GTF2B: variants seen among roughly 807,000 people sequenced by gnomAD.
GTF2B encodes the protein general transcription factor IIB, also known as transcription initiation factor IIB.
A neutral mutation model predicts 34.6 loss-of-function variants in GTF2B; 20 were observed. The ratio of observed to expected loss-of-function variants is 0.58; its 90% CI spans 0.41 to 0.84. The LOEUF (loss-of-function observed/expected upper bound fraction) is 0.84, where lower values mean the gene tolerates loss of function less well. Ranked by LOEUF, GTF2B falls within the 40% of genes least tolerant of loss-of-function variation. The pLI is 0.00. For missense variants in GTF2B, 237 were observed against 393.3 expected (o/e 0.60, Z 3.36); for synonymous variants, 142 against 132.4 (o/e 1.07, Z -0.50).
chr1:88,867,948 A>G lies in GTF2B; in HGVS notation c.125-3834T>C, dbSNP rs114916068. ...GTGCTAAGAACCATTCCCTCTTTTTATATTTAACTACTCAAAAGAGCATTC... is the reference window on the plus strand; with the variant it reads ...GTGCTAAGAACCATTCCCTCTTTTTGTATTTAACTACTCAAAAGAGCATTC... On this transcript the variant is annotated intron_variant, in intron 2 of 6. Coordinates refer to ENST00000370500, the MANE Select transcript of GTF2B (RefSeq NM_001514.6). 6.2e-3 allele frequency among the ~76,000 whole-genome samples: 943 copies of G among 152,310 alleles called. 12 individuals are homozygous for G. In the South Asian group the frequency reaches 0.067, roughly 11 times the overall value.
chr1:88,885,921 G>A (rs562675086), intron 2 of GTF2B, among the ~76,000 whole-genome samples: 5 of 152,056 alleles, frequency 3.3e-5, no homozygotes, highest in African/African-American at 1.2e-4. Context: ...TTATTATTAT[G>A]AAAGGCAATA....
intron 6 of GTF2B, among the ~76,000 whole-genome samples, chr1:88,853,791 AG>A (rs1300856719): frequency 2.6e-5 from 4 of 152,220 alleles, no homozygotes; most frequent in Admixed American, 6.5e-5. Context: ...CGAGAGAGCA[AG>A]ATTCCATCTC....
chr1:88,867,980 A>C (rs1673598887), intron 2 of GTF2B, among the ~76,000 whole-genome samples: 1 of 152,218 alleles, frequency 6.6e-6, no homozygotes, highest in African/African-American at 2.4e-5. Flanking sequence ...ATTCACAAGG[A>C]ATGAAGTTTC....
chr1:88,885,843 A>C (rs1674054801), intron 2 of GTF2B, among the ~76,000 whole-genome samples: 1 of 152,244 alleles, frequency 6.6e-6, no homozygotes, highest in Non-Finnish European at 1.5e-5. Flanking sequence ...ACCATTTAAA[A>C]ATGTAAAAGC....
intron 2 of GTF2B, among the ~76,000 whole-genome samples, chr1:88,882,069 G>C (rs921243148): frequency 2.0e-5 from 3 of 152,024 alleles, no homozygotes; most frequent in Admixed American, 2.0e-4. Flanking sequence ...CAGAACGCTG[G>C]GAGGTCGAGG....
At chr1:88,882,468 G>C (rs2100978816) in intron 2 of GTF2B, among the ~76,000 whole-genome samples, 1 of 152,206 alleles carries the variant, frequency 6.6e-6, no homozygotes, top group South Asian at 2.1e-4. Context: ...TTAACTGAAG[G>C]GTTAAGCAAA....
chr1:88,868,611 A>G (rs1030969578), intron 2 of GTF2B, among the ~76,000 whole-genome samples: 1 of 152,198 alleles, frequency 6.6e-6, no homozygotes, highest in Non-Finnish European at 1.5e-5. Context: ...TCTATTTTTC[A>G]AGAAGAAACC....
At chr1:88,890,499 G>A (rs1207886875) in intron 1 of GTF2B, among the ~76,000 whole-genome samples, 1 of 152,176 alleles carries the variant, frequency 6.6e-6, no homozygotes, top group Non-Finnish European at 1.5e-5. Flanking sequence ...GAAAAATAGT[G>A]CCAGAGTTCC....
rs1448337571 is a variant in GTF2B at position 88,856,691 on chromosome 1, A to C, written c.817+515T>G. On this transcript the variant is annotated intron_variant, in intron 6 of 6. Coordinates refer to ENST00000370500, the MANE Select transcript of GTF2B (RefSeq NM_001514.6). Reference sequence around the variant, plus strand: ...ACTAAAATAATTCAAATGGGAAAAAAATTAGGTTTGTTCACAGGGTTATGT... The same window carrying C: ...ACTAAAATAATTCAAATGGGAAAAACATTAGGTTTGTTCACAGGGTTATGT... 8.5e-5 allele frequency among the ~76,000 whole-genome samples: 13 copies of C among 152,206 alleles called. No individual in the cohort carries two copies. In the East Asian group the frequency reaches 2.5e-3, roughly 29 times the overall value.
chr1:88,886,193 T>G (rs1478165916), intron 2 of GTF2B, among the ~76,000 whole-genome samples: 1 of 152,202 alleles, frequency 6.6e-6, no homozygotes, highest in Non-Finnish European at 1.5e-5. Context: ...ACTTTAAAAC[T>G]CCCACTATAG....
intron 2 of GTF2B, among the ~76,000 whole-genome samples, chr1:88,865,155 G>A (rs552044865): frequency 7.9e-5 from 12 of 152,298 alleles, no homozygotes; most frequent in Non-Finnish European, 1.3e-4. Flanking sequence ...ATAGTCAGGG[G>A]TGTGAACTCT....
chr1:88,877,224 T>C (rs529935473), intron 2 of GTF2B, among the ~76,000 whole-genome samples: 1 of 152,198 alleles, frequency 6.6e-6, no homozygotes, highest in African/African-American at 2.4e-5. Flanking sequence ...AGAATGAGTT[T>C]AGTAGAAGGG....
At chr1:88,864,476 CA>C (rs1393868167) in intron 2 of GTF2B, among the ~76,000 whole-genome samples, 1 of 152,162 alleles carries the variant, frequency 6.6e-6, no homozygotes, top group Non-Finnish European at 1.5e-5. Context: ...AAAGAGAAAA[CA>C]TTTTTTAGAA....
intron 3 of GTF2B, among the ~76,000 whole-genome samples, chr1:88,861,430 T>A (rs1462289664): frequency 1.3e-5 from 2 of 152,226 alleles, no homozygotes; most frequent in African/African-American, 4.8e-5. Context: ...TTTAGGAGGC[T>A]GAGGCAGGCG....
intron 2 of GTF2B, among the ~76,000 whole-genome samples, chr1:88,866,286 TGAGGCTGCA>T (rs1673558547): frequency 6.6e-6 from 1 of 152,110 alleles, no homozygotes; most frequent in African/African-American, 2.4e-5. Flanking sequence ...CCCAGGAGGT[TGAGGCTGCA>T]GGGAGCCATG....
chr1:88,859,838 A>T (rs536205479), intron 5 of GTF2B, 44 bp downstream of exon 5: 302 of 1,540,964 alleles, frequency 2.0e-4, no homozygotes, highest in Middle Eastern at 5.1e-4. Context: ...CCTATCTCAA[A>T]CAAACAAACA....
At chr1:88,874,445 T>A (rs977603937) in intron 2 of GTF2B, among the ~76,000 whole-genome samples, 8 of 148,896 alleles carry the variant, frequency 5.4e-5, no homozygotes, top group Non-Finnish European at 1.2e-4. Flanking sequence ...GGGAACTAAT[T>A]CCCCCAAGTA....
chr1:88,854,476 G>A (rs931640825), intron 6 of GTF2B, among the ~76,000 whole-genome samples: 1 of 152,274 alleles, frequency 6.6e-6, no homozygotes, highest in African/African-American at 2.4e-5. Flanking sequence ...TATTATGAAT[G>A]CTTTATTAAA....
chr1:88,883,884 T>G (rs1158563608), intron 2 of GTF2B, among the ~76,000 whole-genome samples: 1 of 152,184 alleles, frequency 6.6e-6, no homozygotes, highest in Non-Finnish European at 1.5e-5. Context: ...CCCTTATCAG[T>G]TATAATAAAT....
Sources: allele counts gnomAD v4.1 joint callset (sites outside exome capture counted in the v4.1 genomes callset), GRCh38; gene constraint gnomAD v4.1.1; transcripts MANE v1.5; gene names NCBI Gene and HGNC (gene_info 2026-07-23, HGNC 2026-07-21).